GKAP1: variants seen among roughly 807,000 people sequenced by gnomAD.
GKAP1 encodes G kinase anchoring protein 1.
Under a neutral mutation model 56.7 loss-of-function variants are expected in GKAP1, and 31 were observed. The observed-to-expected ratio is 0.55, with a 90% confidence interval of 0.41 to 0.74. The LOEUF is 0.74. Ranked by LOEUF, GKAP1 falls within the 30% of genes least tolerant of loss-of-function variation. The pLI is 0.00. For synonymous variants in GKAP1, 151 were observed against 138.6 expected (o/e 1.09, Z -0.63); for missense variants, 364 against 402.3 (o/e 0.90, Z 0.82).
At position 83,742,080 on chromosome 9, in the gene GKAP1, TACTC is replaced by T. The variant is rs535004810; in HGVS notation, c.976-55_976-52del. 216 of 1,091,234 alleles carry T rather than the reference TACTC, an allele frequency of 2.0e-4. No homozygotes were observed. The African/African-American group carries it at 2.9e-3, about 14-fold the overall frequency. The allele number at this position is 1,091,234 out of a possible 1,614,324, so 67.6% of individuals were successfully genotyped here. On this transcript the variant is annotated intron_variant, in intron 11 of 12. Transcript: ENST00000376371. ...AAGAATTTTTGGGGTTTTTGGCAAATACTCAATTCTTAACATATTCACAATGATA... is the reference window on the plus strand; with the variant it reads ...AAGAATTTTTGGGGTTTTTGGCAAATAATTCTTAACATATTCACAATGATA...
At chr9:83,777,700 AG>A (rs1445897028) in intron 7 of GKAP1, among the ~76,000 whole-genome samples, 2 of 152,184 alleles carry the variant, frequency 1.3e-5, no homozygotes, top group Non-Finnish European at 2.9e-5. Flanking sequence ...GGAACTTAAG[AG>A]TAGCCATGAA....
intron 7 of GKAP1, among the ~76,000 whole-genome samples, chr9:83,775,725 A>G (rs1943847370): frequency 6.6e-6 from 1 of 151,836 alleles, no homozygotes; most frequent in Admixed American, 6.6e-5. Flanking sequence ...AAAATAAAAA[A>G]TTAACTGGGC....
chr9:83,811,281 TAA>T (rs776577202), intron 2 of GKAP1, among the ~76,000 whole-genome samples: 2 of 152,128 alleles, frequency 1.3e-5, no homozygotes, highest in Non-Finnish European at 2.9e-5. Flanking sequence ...ATCTTTGAAA[TAA>T]AAAAGTTTTT....
At chr9:83,801,613 C>T (rs144225908) in intron 3 of GKAP1, among the ~76,000 whole-genome samples, 197 of 152,304 alleles carry the variant, frequency 1.3e-3, no homozygotes, top group African/African-American at 4.5e-3. Flanking sequence ...GGAAATGAAG[C>T]ACTGGTAGGT....
chr9:83,748,244 GA>G, intron 10 of GKAP1, 64 bp downstream of exon 10: 5 of 1,107,286 alleles, frequency 4.5e-6, no homozygotes, highest in Non-Finnish European at 4.0e-6. Flanking sequence ...TCACACATTT[GA>G]AAAAGTACCT....
chr9:83,789,600 CCAAAGTCCCATGGTTTCAG>C (rs1426290418), intron 4 of GKAP1, among the ~76,000 whole-genome samples: 1 of 152,146 alleles, frequency 6.6e-6, no homozygotes, highest in Non-Finnish European at 1.5e-5. Flanking sequence ...GCACTTCATT[CCAAAGTCCCATGGTTTCAG>C]CAGAACAGCC....
At chr9:83,813,376 T>A (rs540675986) in intron 2 of GKAP1, among the ~76,000 whole-genome samples, 12 of 152,354 alleles carry the variant, frequency 7.9e-5, no homozygotes, top group African/African-American at 2.6e-4. Context: ...ATTAAACTAC[T>A]ACACAAATCA....
chr9:83,779,524 C>CATGTAT lies in GKAP1; in HGVS notation c.585+857_585+858insATACAT, dbSNP rs1564201699. Reference sequence around the variant, plus strand: ...ACACATATATGTGTATATATATACACGTGTATATGTGTATATATATACACG... The same window carrying CATGTAT: ...ACACATATATGTGTATATATATACACATGTATGTGTATATGTGTATATATATACACG... On this transcript the variant is annotated intron_variant, in intron 7 of 12. Transcript: ENST00000376371. Among the ~76,000 whole-genome samples the CATGTAT allele has an allele frequency of 2.7e-4, 32 of 120,360 alleles. 1 individual carries two copies. The highest frequency in any genetic ancestry group is 4.7e-4 in the Non-Finnish European group (28 of 60,044). 79.0% of individuals were successfully genotyped at this position (120,360 alleles called of 152,430 possible). A position where few individuals can be genotyped will look rare whatever the true frequency, so the allele number is the denominator to read the frequency against.
intron 3 of GKAP1, among the ~76,000 whole-genome samples, chr9:83,804,429 C>A (rs1944395921): frequency 7.1e-6 from 1 of 139,862 alleles, no homozygotes. Flanking sequence ...GCCAGCCACC[C>A]CGTCCGGGAG....
At chr9:83,799,127 A>C in intron 4 of GKAP1, 58 bp downstream of exon 4, 1 of 1,442,166 alleles carries the variant, frequency 6.9e-7, no homozygotes, top group Non-Finnish European at 9.7e-7. Context: ...AGGCACTGCC[A>C]TGTGAAAAAT....
Position 83,739,646 on chromosome 9 carries a change from G to A in GKAP1, c.*51C>T. The A allele has an allele frequency of 6.7e-7, 1 of 1,486,848 alleles. No homozygotes were observed. The highest frequency in any genetic ancestry group is 9.2e-7 in the Non-Finnish European group (1 of 1,087,154). The allele number at this position is 1,486,848 out of a possible 1,614,324, so 92.1% of individuals were successfully genotyped here. On this transcript the variant is annotated 3_prime_UTR_variant, in exon 13 of 13. Coordinates refer to ENST00000376371, the MANE Select transcript of GKAP1 (RefSeq NM_025211.4). ...CACAGCATTAAATATATACAACTTTGCAAAATCCTGGAAGTTTTAAACTTT... is the reference window on the plus strand; with the variant it reads ...CACAGCATTAAATATATACAACTTTACAAAATCCTGGAAGTTTTAAACTTT...
At position 83,799,320 on chromosome 9, in the gene GKAP1, A is replaced by G; in HGVS notation, c.225T>C (p.Asn75=). The change falls in exon 4 of 13, where the codon AAT becomes AAC. Residue 75 remains asparagine (N), a synonymous_variant. Transcript: ENST00000376371. ...QQQSEANELR[N]LAFKKIPQKS... is the part of the protein sequence containing the mutation. ...TCTGGGGAATTTTCTTAAAAGCAAG[A>G]TTCCTGAGCTATAAAACAAACAAAA... 6.3e-7 allele frequency: 1 copy of G among 1,591,070 alleles called. No homozygotes were observed. The highest frequency in any genetic ancestry group is 8.5e-7 in the Non-Finnish European group (1 of 1,172,390).
At chr9:83,817,268 C>T (rs1944628669) in intron 1 of GKAP1, 141 bp from the exon 2 acceptor site, 1 of 151,890 alleles carries the variant, frequency 6.6e-6, no homozygotes, top group Non-Finnish European at 1.5e-5. Flanking sequence ...TCTCGGGAGG[C>T]TCAGCGGTCG....
At chr9:83,816,775 G>A (rs562194479) in intron 2 of GKAP1, among the ~76,000 whole-genome samples, 5 of 152,278 alleles carry the variant, frequency 3.3e-5, no homozygotes, top group Non-Finnish European at 7.3e-5. Context: ...AAAATCTGGC[G>A]AAGGTAAAGA....
intron 8 of GKAP1, among the ~76,000 whole-genome samples, chr9:83,756,177 C>A (rs1488782689): frequency 6.6e-6 from 1 of 151,762 alleles, no homozygotes; most frequent in East Asian, 1.9e-4. Flanking sequence ...TGAATTATTT[C>A]ATGTATAAGA....
intron 7 of GKAP1, among the ~76,000 whole-genome samples, chr9:83,773,326 TAGAGAC>T (rs1323861592): frequency 6.6e-6 from 1 of 152,120 alleles, no homozygotes; most frequent in East Asian, 1.9e-4. Context: ...TGCAAATCTC[TAGAGAC>T]AGAAAGTAGA....
chr9:83,768,476 T>C (rs1943701200), intron 8 of GKAP1, among the ~76,000 whole-genome samples: 1 of 152,208 alleles, frequency 6.6e-6, no homozygotes, highest in Non-Finnish European at 1.5e-5. Flanking sequence ...TGAATGATGA[T>C]CCTTTTACAG....
At position 83,754,061 on chromosome 9, in the gene GKAP1, T is replaced by C. The variant is rs1943436233; in HGVS notation, c.739-702A>G. 2.0e-5 allele frequency among the ~76,000 whole-genome samples: 3 copies of C among 152,202 alleles called. No individual in the cohort carries two copies. In the South Asian group the frequency reaches 6.2e-4, roughly 31 times the overall value. ...TTGATTTGATGAAGAAAGATTTGTCTATCAATTATATAAGGCAAAATAAAT... is the reference window on the plus strand; with the variant it reads ...TTGATTTGATGAAGAAAGATTTGTCCATCAATTATATAAGGCAAAATAAAT... On this transcript the variant is annotated intron_variant, in intron 8 of 12. Coordinates refer to ENST00000376371, the MANE Select transcript of GKAP1 (RefSeq NM_025211.4).
At chr9:83,787,575 A>G (rs1157802349) in intron 5 of GKAP1, among the ~76,000 whole-genome samples, 1 of 152,192 alleles carries the variant, frequency 6.6e-6, no homozygotes, top group Non-Finnish European at 1.5e-5. Context: ...ACATGGCCAA[A>G]AAGTCTTCAG....
Sources: allele counts gnomAD v4.1 joint callset (sites outside exome capture counted in the v4.1 genomes callset), GRCh38; gene constraint gnomAD v4.1.1; transcripts MANE v1.5; gene names NCBI Gene and HGNC (gene_info 2026-07-23, HGNC 2026-07-21).